Variants in MAPK14 observed in about 807,000 individuals in gnomAD.
MAPK14 encodes mitogen-activated protein kinase 14, also known as CSAID-binding protein.
Under a neutral mutation model 49.6 loss-of-function variants are expected in MAPK14, and 16 were observed. The observed-to-expected ratio is 0.32, with a 90% CI of 0.22 to 0.49. MAPK14 has a LOEUF of 0.49. Ranked by LOEUF, MAPK14 falls within the 20% of genes least tolerant of loss-of-function variation. The probability of loss-of-function intolerance (pLI) is 0.99; values close to 1 mark genes in which losing one functional copy is unlikely to be tolerated. For missense variants in MAPK14, 200 were observed against 441.2 expected (o/e 0.45, Z 4.90); for synonymous variants, 142 against 158.0 (o/e 0.90, Z 0.76).
chr6:36,090,137 A>AT (rs147672941), intron 8 of MAPK14, among the ~76,000 whole-genome samples: 20,650 of 151,256 alleles, frequency 0.14, 1,697 homozygotes, highest in African/African-American at 0.24. Context: ...CTTCTTATAT[A>AT]TTTTTTTTTA....
intron 7 of MAPK14, among the ~76,000 whole-genome samples, chr6:36,076,185 T>C (rs1465815919): frequency 6.6e-6 from 1 of 152,218 alleles, no homozygotes; most frequent in African/African-American, 2.4e-5. Flanking sequence ...TTTTATTTAT[T>C]TAGATTTTGA....
chr6:36,104,140 T>A (rs1245818962), intron 10 of MAPK14, among the ~76,000 whole-genome samples: 1 of 152,196 alleles, frequency 6.6e-6, no homozygotes, highest in Admixed American at 6.5e-5. Flanking sequence ...GATGAGTTCG[T>A]GTCAGCCTTG....
At chr6:36,094,567 C>T (rs773277286) in intron 8 of MAPK14, among the ~76,000 whole-genome samples, 24 of 152,202 alleles carry the variant, frequency 1.6e-4, no homozygotes, top group African/African-American at 5.3e-4. Flanking sequence ...ATTCCTATAA[C>T]GTAGGCACCT....
chr6:36,094,083 G>T (rs998881885), intron 8 of MAPK14, among the ~76,000 whole-genome samples: 2 of 152,134 alleles, frequency 1.3e-5, no homozygotes, highest in African/African-American at 4.8e-5. Context: ...TTCCTACTCT[G>T]TCCCATGAAC....
At chr6:36,038,014 G>GA (rs1021336051) in intron 1 of MAPK14, among the ~76,000 whole-genome samples, 247 of 141,254 alleles carry the variant, frequency 1.7e-3, no homozygotes, top group African/African-American at 5.4e-3. Context: ...TCTCCAAAAA[G>GA]AAAAAAAAAA....
At chr6:36,080,036 C>T (rs201825407) in intron 8 of MAPK14, among the ~76,000 whole-genome samples, 1 of 151,882 alleles carries the variant, frequency 6.6e-6, no homozygotes, top group Non-Finnish European at 1.5e-5. Context: ...CTCCGCCTCC[C>T]GGGCTCAAGC....
At chr6:36,090,105 T>A (rs1765158665) in intron 8 of MAPK14, among the ~76,000 whole-genome samples, 1 of 152,084 alleles carries the variant, frequency 6.6e-6, no homozygotes, top group African/African-American at 2.4e-5. Flanking sequence ...TCTATGGGAG[T>A]TTTCCTAGTG....
chr6:36,043,743 G>T (rs1266628444), intron 1 of MAPK14, among the ~76,000 whole-genome samples: 1 of 151,038 alleles, frequency 6.6e-6, no homozygotes, highest in African/African-American at 2.4e-5. Flanking sequence ...CGGAGAAGAG[G>T]TGTCATGTTT....
rs576823397 is a variant in MAPK14, at chr6:36,072,721, C to T, written c.306-152C>T. 111 of 490,558 alleles carry T rather than the reference C, an allele frequency of 2.3e-4. 1 individual carries two copies. The South Asian group carries it at 2.6e-3, about 11-fold the overall frequency. The allele number at this position is 490,558 out of a possible 1,614,324, so 30.4% of individuals were successfully genotyped here. A position where few individuals can be genotyped will look rare whatever the true frequency, so the allele number is the denominator to read the frequency against. Reference sequence around the variant, plus strand: ...CAGAGGTTGTAGTGAGCTGAGATTGCGCCACTGCACTCCAGCCTGGCAGTA... The same window carrying T: ...CAGAGGTTGTAGTGAGCTGAGATTGTGCCACTGCACTCCAGCCTGGCAGTA... On this transcript the variant is annotated intron_variant, in intron 3 of 11. Coordinates refer to ENST00000229794, the MANE Select transcript of MAPK14 (RefSeq NM_139012.3).
chr6:36,065,509 T>G (rs183278074), intron 3 of MAPK14, among the ~76,000 whole-genome samples: 1 of 121,214 alleles, frequency 8.2e-6, no homozygotes, highest in African/African-American at 3.0e-5. Flanking sequence ...GCAGAAAAGG[T>G]GTGTGTGTGT....
At chr6:36,036,343 G>A (rs1762751408) in intron 1 of MAPK14, among the ~76,000 whole-genome samples, 1 of 151,952 alleles carries the variant, frequency 6.6e-6, no homozygotes. Flanking sequence ...ATCTGCTGTT[G>A]GGGAAGATGC....
chr6:36,030,062 GACAT>G (rs1426203425), intron 1 of MAPK14, among the ~76,000 whole-genome samples: 5 of 151,730 alleles, frequency 3.3e-5, no homozygotes, highest in East Asian at 1.9e-4. Flanking sequence ...TTCTTGAATT[GACAT>G]ACATTTCTGT....
downstream of MAPK14, among the ~76,000 whole-genome samples, chr6:36,112,886 A>T (rs116306540): frequency 6.0e-3 from 914 of 152,344 alleles, 10 homozygotes; most frequent in African/African-American, 0.019. Flanking sequence ...AACCATAGAG[A>T]CTAACAGAAG....
At chr6:36,031,636 C>T (rs1461314325) in intron 1 of MAPK14, among the ~76,000 whole-genome samples, 1 of 152,140 alleles carries the variant, frequency 6.6e-6, no homozygotes, top group Non-Finnish European at 1.5e-5. Context: ...AACTCCTGAC[C>T]TCAGGTGATC....
chr6:36,097,372 G>C (rs545835675), intron 9 of MAPK14: 1 of 152,298 alleles, frequency 6.6e-6, no homozygotes, highest in Admixed American at 6.5e-5. Flanking sequence ...CATTGTCAGT[G>C]TTACCACAAT....
chr6:36,091,268 G>A (rs914723006), intron 8 of MAPK14, among the ~76,000 whole-genome samples: 2 of 148,974 alleles, frequency 1.3e-5, no homozygotes, highest in African/African-American at 5.0e-5. Flanking sequence ...TTCTTTACCT[G>A]TTCATTCTGA....
intron 8 of MAPK14, among the ~76,000 whole-genome samples, chr6:36,094,225 A>G (rs187396180): frequency 6.6e-6 from 1 of 152,326 alleles, no homozygotes; most frequent in East Asian, 1.9e-4. Context: ...ATTTAGAAAT[A>G]ATGTGAGTGG....
In MAPK14 at chr6:36,108,514, C is replaced by G; in HGVS notation, c.*67C>G. ...GGAAGGCCTTTTCACGGGAACTCTC[C>G]AAATATTATTCAAGTGCCTCTTGTT... On this transcript the variant is annotated 3_prime_UTR_variant, in exon 12 of 12. Coordinates refer to ENST00000229794, the MANE Select transcript of MAPK14 (RefSeq NM_139012.3). The G allele has an allele frequency of 7.9e-7, 1 of 1,272,532 alleles. No homozygotes were observed. Among genetic ancestry groups the G allele is most frequent in the Non-Finnish European group, 1.2e-6 (1 of 869,276 alleles). 78.8% of individuals were successfully genotyped at this position (1,272,532 alleles called of 1,614,324 possible).
chr6:36,028,642 C>T lies in MAPK14; in HGVS notation c.116+369C>T, dbSNP rs565964067. 2.6e-5 allele frequency among the ~76,000 whole-genome samples: 4 copies of T among 152,296 alleles called. No homozygotes were observed. Among genetic ancestry groups the T allele is most frequent in the Non-Finnish European group, 5.9e-5 (4 of 68,016 alleles). Reference sequence around the variant, plus strand: ...CTACCTGGAGCAGAAGGACCCTCTCCCGTGATGCGCCCACGCTGGGGCTCC... The same window carrying T: ...CTACCTGGAGCAGAAGGACCCTCTCTCGTGATGCGCCCACGCTGGGGCTCC... On this transcript the variant is annotated intron_variant, in intron 1 of 11. Transcript: ENST00000229794. The surrounding 1 kb of genome is among the most constrained non-coding windows in gnomAD (Gnocchi z 5.1).
Sources: allele counts gnomAD v4.1 joint callset (sites outside exome capture counted in the v4.1 genomes callset), GRCh38; gene constraint gnomAD v4.1.1; non-coding constraint Gnocchi (gnomAD v3.1); transcripts MANE v1.5; gene names NCBI Gene and HGNC (gene_info 2026-07-23, HGNC 2026-07-21).